Variants in ARHGAP42 observed in about 807,000 individuals in gnomAD.
ARHGAP42 encodes rho GTPase-activating protein 42.
ARHGAP42 carries 63 observed loss-of-function variants against 125.0 expected under a neutral mutation model. That is an observed-to-expected ratio of 0.50 (90% CI 0.41 to 0.62). The LOEUF is 0.62. Among genes scored for constraint, ARHGAP42 ranks in the 20% least tolerant of loss-of-function variants. The pLI, the probability that ARHGAP42 is intolerant of heterozygous loss-of-function variation, is 0.00. For missense variants in ARHGAP42, 766 were observed against 1,024.2 expected, an observed-to-expected ratio of 0.75 and a Z score of 3.44; for synonymous variants, 339 against 351.0, an observed-to-expected ratio of 0.97 and a Z score of 0.38.
chr11:100,748,184 G>A (rs868416122), intron 1 of ARHGAP42, among the ~76,000 whole-genome samples: 7 of 152,254 alleles, frequency 4.6e-5, no homozygotes, highest in South Asian at 2.1e-4. Flanking sequence ...ATAAGACCTC[G>A]TTCAGTCCAT....
intron 8 of ARHGAP42, among the ~76,000 whole-genome samples, chr11:100,941,569 G>T (rs1180455182): frequency 1.3e-5 from 2 of 149,628 alleles, no homozygotes; most frequent in East Asian, 4.0e-4. Flanking sequence ...TACAAAGTCG[G>T]TGTCAGAGCT....
intron 4 of ARHGAP42, among the ~76,000 whole-genome samples, chr11:100,879,348 A>G (rs1865902336): frequency 6.6e-6 from 1 of 152,194 alleles, no homozygotes; most frequent in Admixed American, 6.5e-5. Flanking sequence ...AGAATGGTTA[A>G]ATAATCTGTC....
chr11:100,859,797 G>T lies in ARHGAP42; in HGVS notation c.384+172G>T, dbSNP rs1591244870. 2.7e-5 allele frequency: 13 copies of T among 487,130 alleles called. No homozygotes were observed. The South Asian group carries it at 5.0e-4, about 19-fold the overall frequency. 30.2% of individuals were successfully genotyped at this position (487,130 alleles called of 1,614,324 possible). A position where few individuals can be genotyped will look rare whatever the true frequency, so the allele number is the denominator to read the frequency against. ...GACTGGACTTCTTTTAGACATAAAA[G>T]ATGTTATTATTCTACTGAGTAGATA... is the stretch of plus-strand genomic sequence containing the variant. On this transcript the variant is annotated intron_variant, in intron 4 of 23. Transcript: ENST00000298815.
chr11:100,914,733 G>T (rs1867020229), intron 5 of ARHGAP42, among the ~76,000 whole-genome samples: 1 of 152,052 alleles, frequency 6.6e-6, no homozygotes, highest in Non-Finnish European at 1.5e-5. Context: ...CCTCTCTCCT[G>T]ATCCTTCTGC....
chr11:100,842,638 A>C (rs1000944011), intron 3 of ARHGAP42, among the ~76,000 whole-genome samples: 1 of 152,122 alleles, frequency 6.6e-6, no homozygotes, highest in African/African-American at 2.4e-5. Flanking sequence ...AATGAATGGA[A>C]ATATTTAAAA....
intron 6 of ARHGAP42, among the ~76,000 whole-genome samples, chr11:100,929,846 T>A (rs1867526548): frequency 6.6e-6 from 1 of 152,214 alleles, no homozygotes; most frequent in African/African-American, 2.4e-5. Context: ...ATTCTCCCAT[T>A]CTGTGAGTTT....
intron 2 of ARHGAP42, among the ~76,000 whole-genome samples, chr11:100,773,809 A>G (rs533420455): frequency 3.7e-4 from 56 of 152,336 alleles, no homozygotes; most frequent in Admixed American, 3.3e-3. Flanking sequence ...CTTACAAGCA[A>G]TGATTATTAC....
chr11:100,749,685 G>T (rs909358135), intron 1 of ARHGAP42, among the ~76,000 whole-genome samples: 1 of 152,112 alleles, frequency 6.6e-6, no homozygotes, highest in Admixed American at 6.5e-5. Context: ...AACTTCCACC[G>T]CAGGATCTGC....
At chr11:100,732,655 G>A (rs1237228599) in intron 1 of ARHGAP42, among the ~76,000 whole-genome samples, 1 of 152,148 alleles carries the variant, frequency 6.6e-6, no homozygotes, top group Non-Finnish European at 1.5e-5. Context: ...GCTCAGCCTA[G>A]GCAGCTAGAC....
At position 100,763,338 on chromosome 11, in the gene ARHGAP42, T is replaced by A. The variant is rs369878524; in HGVS notation, c.155-7005T>A. ...TTGCCAGTTAGTTTACATTTCTTTC[T>A]TTCACTCTTTTTCAGGTATCTGCTT... On this transcript the variant is annotated intron_variant, in intron 1 of 23. Coordinates refer to ENST00000298815, the MANE Select transcript of ARHGAP42 (RefSeq NM_152432.4). Among the ~76,000 whole-genome samples the A allele has an allele frequency of 7.9e-5, 12 of 152,118 alleles. No homozygotes were observed. The East Asian group carries it at 1.2e-3, about 15-fold the overall frequency.
At chr11:100,791,247 G>A (rs1696531729) in intron 2 of ARHGAP42, among the ~76,000 whole-genome samples, 1 of 152,154 alleles carries the variant, frequency 6.6e-6, no homozygotes, top group African/African-American at 2.4e-5. Context: ...TTGTGTCAGA[G>A]GTTTCTGTTA....
intron 1 of ARHGAP42, among the ~76,000 whole-genome samples, chr11:100,760,062 T>A (rs1484431284): frequency 1.3e-5 from 2 of 152,224 alleles, no homozygotes; most frequent in Non-Finnish European, 2.9e-5. Context: ...ATTAACCACA[T>A]GCACCATCCT....
intron 8 of ARHGAP42, among the ~76,000 whole-genome samples, chr11:100,936,975 C>G (rs1364593610): frequency 6.6e-6 from 1 of 152,104 alleles, no homozygotes; most frequent in Non-Finnish European, 1.5e-5. Flanking sequence ...CCGGATATGC[C>G]CTAAGGCATC....
chr11:100,809,288 A>G (rs1864081349), intron 3 of ARHGAP42, among the ~76,000 whole-genome samples: 1 of 152,196 alleles, frequency 6.6e-6, no homozygotes, highest in South Asian at 2.1e-4. Context: ...AGAGGCTCTG[A>G]TTGGCCCAGC....
chr11:100,784,808 TAGTG>T (rs1863396027), intron 2 of ARHGAP42, among the ~76,000 whole-genome samples: 1 of 152,204 alleles, frequency 6.6e-6, no homozygotes, highest in Non-Finnish European at 1.5e-5. Context: ...ATTCAAAATT[TAGTG>T]CTACAAGTCA....
At chr11:100,746,721 A>G (rs1269933869) in intron 1 of ARHGAP42, among the ~76,000 whole-genome samples, 3 of 152,212 alleles carry the variant, frequency 2.0e-5, no homozygotes, top group Non-Finnish European at 2.9e-5. Flanking sequence ...AAAGAAACCT[A>G]TAGGATCCTT....
Position 100,983,919 on chromosome 11 carries a change from G to T in ARHGAP42, c.2457-3594G>T, listed in dbSNP as rs189114052. Among the ~76,000 whole-genome samples the T allele has an allele frequency of 1.3e-5, 2 of 152,136 alleles. 1 individual carries two copies. The highest frequency in any genetic ancestry group is 4.1e-4 in the South Asian group (2 of 4,824). ...TTTGGGAGGCCAAGGCGAGTGGACC[G>T]CCTGAGCCCAGGAATTTGAAACCCT... is the stretch of plus-strand genomic sequence containing the variant. On this transcript the variant is annotated intron_variant, in intron 22 of 23. Transcript: ENST00000298815.
At chr11:100,961,979 A>G (rs965416284) in intron 15 of ARHGAP42, among the ~76,000 whole-genome samples, 2 of 152,222 alleles carry the variant, frequency 1.3e-5, no homozygotes, top group African/African-American at 2.4e-5. Flanking sequence ...AAAAGGCTAT[A>G]TAATATTTTG....
chr11:100,987,107 C>T (rs1858698124), intron 22 of ARHGAP42, among the ~76,000 whole-genome samples: 1 of 152,096 alleles, frequency 6.6e-6, no homozygotes, highest in Admixed American at 6.5e-5. Context: ...TGGATCTCAC[C>T]TCAGATAGTC....
Sources: allele counts gnomAD v4.1 joint callset (sites outside exome capture counted in the v4.1 genomes callset), GRCh38; gene constraint gnomAD v4.1.1; transcripts MANE v1.5; gene names NCBI Gene and HGNC (gene_info 2026-07-23, HGNC 2026-07-21).